The following NUP160 variants were observed in gnomAD, a reference collection of about 807,000 sequenced individuals.
The protein encoded by NUP160 is nuclear pore complex protein Nup160.
NUP160 carries 94 observed loss-of-function variants against 196.9 expected under a neutral mutation model. The ratio of observed to expected loss-of-function variants is 0.48; its 90% CI spans 0.40 to 0.57. The LOEUF (loss-of-function observed/expected upper bound fraction) is 0.57. NUP160 is among the 20% of genes least tolerant of loss of function. NUP160 has a pLI of 0.00. For synonymous variants in NUP160, 605 were observed against 619.7 expected (o/e 0.98, Z 0.35); for missense variants, 1,638 against 1,748.3 (o/e 0.94, Z 1.13).
At chr11:47,817,826 G>A (rs1158937047) in intron 11 of NUP160, among the ~76,000 whole-genome samples, 1 of 151,980 alleles carries the variant, frequency 6.6e-6, no homozygotes, top group East Asian at 1.9e-4. Flanking sequence ...TCTAACTCTG[G>A]CATGTGTCAC....
chr11:47,845,107 CG>C (rs1424627231), intron 2 of NUP160, among the ~76,000 whole-genome samples: 4 of 152,270 alleles, frequency 2.6e-5, no homozygotes, highest in African/African-American at 9.6e-5. Context: ...CAGCAGCCCT[CG>C]GAGCTACTCT....
intron 17 of NUP160, among the ~76,000 whole-genome samples, chr11:47,811,496 A>AAG (rs56350175): frequency 2.6e-5 from 4 of 151,834 alleles, no homozygotes; most frequent in Admixed American, 6.6e-5. Context: ...AAAAAAAAAA[A>AAG]AGAGAGAGAG....
intron 1 of NUP160, 110 bp downstream of exon 1, chr11:47,848,109 T>C: frequency 7.4e-7 from 1 of 1,357,938 alleles, no homozygotes; most frequent in Non-Finnish European, 1.1e-6. Flanking sequence ...ATCCCGGGGC[T>C]AGAGGCATGT....
chr11:47,834,854 A>G (rs940463585), intron 7 of NUP160, among the ~76,000 whole-genome samples: 3 of 152,168 alleles, frequency 2.0e-5, no homozygotes, highest in African/African-American at 4.8e-5. Context: ...TGGCTTCCAC[A>G]TGGACAGAAA....
chr11:47,821,676 T>C (rs761779664), intron 9 of NUP160, 48 bp downstream of exon 9: 9 of 1,399,982 alleles, frequency 6.4e-6, no homozygotes, highest in Admixed American at 5.1e-5. Context: ...CTTCTTAGCA[T>C]GAAATTGCTT....
chr11:47,825,540 C>A (rs1851950601), intron 7 of NUP160, among the ~76,000 whole-genome samples: 1 of 150,526 alleles, frequency 6.6e-6, no homozygotes, highest in African/African-American at 2.5e-5. Context: ...GCAACCTCTG[C>A]CTCCTGGGTT....
chr11:47,837,171 T>C (rs1852193421), intron 5 of NUP160, among the ~76,000 whole-genome samples, 170 bp from the exon 6 acceptor site: 1 of 152,234 alleles, frequency 6.6e-6, no homozygotes, highest in South Asian at 2.1e-4. Flanking sequence ...TATCGCCAAT[T>C]ACTATAATAA....
At position 47,809,882 on chromosome 11, in the gene NUP160, CACAA is replaced by C. The variant is rs201822625; in HGVS notation, c.2242-1357_2242-1354del. On this transcript the variant is annotated intron_variant, in intron 17 of 35. Coordinates refer to ENST00000378460, the Ensembl canonical transcript of NUP160. Reference sequence around the variant, plus strand: ...AATACTATGTAGTTTATTTAAATTTCACAAACAAACCAAAAAGAATGTGCATGGA... The same window carrying C: ...AATACTATGTAGTTTATTTAAATTTCACAAACCAAAAAGAATGTGCATGGA... Among the ~76,000 whole-genome samples the C allele has an allele frequency of 8.0e-3, 1,215 of 151,258 alleles. 18 individuals carry two copies. The highest frequency in any genetic ancestry group is 0.027 in the African/African-American group (1,131 of 41,282).
At chr11:47,806,790 TACACACACACACACACACACACACAC>T (rs57141346) in intron 19 of NUP160, among the ~76,000 whole-genome samples, 25 of 111,904 alleles carry the variant, frequency 2.2e-4, no homozygotes, top group South Asian at 8.6e-4. Flanking sequence ...AAAGCAGCTA[TACACACACACACACACACACACACAC>T]ACACACACAC....
At chr11:47,848,257 C>T (rs896680730) in exon 1 of NUP160, 2 of 1,614,100 alleles carry the variant, frequency 1.2e-6, no homozygotes, top group African/African-American at 2.7e-5. Context: ...GTGCCTCGGC[C>T]TTTCGCGCTC....
intron 19 of NUP160, 123 bp from the exon 20 acceptor site, chr11:47,806,435 T>C (rs1599320858): frequency 1.4e-6 from 1 of 707,010 alleles, no homozygotes; most frequent in Non-Finnish European, 2.3e-6. Context: ...AGAAAATGTA[T>C]CACGGGTATA....
chr11:47,838,290 A>C (rs895173677), intron 4 of NUP160, among the ~76,000 whole-genome samples: 2 of 152,212 alleles, frequency 1.3e-5, no homozygotes, highest in African/African-American at 4.8e-5. Flanking sequence ...AATTACAAGA[A>C]GGCATGTGGC....
Position 47,822,372 on chromosome 11 carries a change from C to T in NUP160, c.1102-208G>A, listed in dbSNP as rs11039413. 2.3e-3 allele frequency among the ~76,000 whole-genome samples: 354 copies of T among 152,170 alleles called. 7 individuals carry two copies. In the South Asian group the frequency reaches 0.04, roughly 17 times the overall value. On this transcript the variant is annotated intron_variant, in intron 7 of 35. Coordinates refer to ENST00000378460, the Ensembl canonical transcript of NUP160. Reference sequence around the variant, plus strand: ...TCCTAAGTTCAAGCTATTCTCCTGCCTCAGCCTCCCGAGTAGCTGGGATTA... The same window carrying T: ...TCCTAAGTTCAAGCTATTCTCCTGCTTCAGCCTCCCGAGTAGCTGGGATTA...
chr11:47,782,633 ATGAG>A (rs2097662100), intron 34 of NUP160, among the ~76,000 whole-genome samples: 1 of 151,616 alleles, frequency 6.6e-6, no homozygotes, highest in Non-Finnish European at 1.5e-5. Context: ...GAACGGTTGT[ATGAG>A]TATTTTATTT....
intron 34 of NUP160, 110 bp from the exon 35 acceptor site, chr11:47,780,557 T>G (rs2097660109): frequency 4.5e-6 from 2 of 444,006 alleles, no homozygotes; most frequent in Non-Finnish European, 7.9e-6. Context: ...TTTTTTTTTT[T>G]GAGATGGTCT....
intron 7 of NUP160, among the ~76,000 whole-genome samples, chr11:47,831,273 G>A (rs563527592): frequency 6.6e-6 from 1 of 152,244 alleles, no homozygotes; most frequent in East Asian, 1.9e-4. Flanking sequence ...GGCATCATTA[G>A]TTATCAGGAA....
rs577753496 is a variant in NUP160, at chr11:47,819,299, C to T, written c.1362+75G>A. On this transcript the variant is annotated intron_variant, in intron 10 of 35. Coordinates refer to ENST00000378460, the Ensembl canonical transcript of NUP160. ...CTGTACCCCAGCCTGGGCCACAGAG[C>T]GAGACTCTGTCTCAAAAAAAAAAAA... The T allele has an allele frequency of 2.0e-4, 214 of 1,063,378 alleles. 1 individual carries two copies. The highest frequency in any genetic ancestry group is 1.3e-3 in the South Asian group (97 of 75,448). The allele number at this position is 1,063,378 out of a possible 1,614,324, so 65.9% of individuals were successfully genotyped here. A position where few individuals can be genotyped will look rare whatever the true frequency, so the allele number is the denominator to read the frequency against.
chr11:47,842,514 T>C (rs961159745), intron 2 of NUP160, among the ~76,000 whole-genome samples: 2 of 152,108 alleles, frequency 1.3e-5, no homozygotes, highest in African/African-American at 2.4e-5. Flanking sequence ...AAGGAAAACA[T>C]ACAGATGTCC....
Position 47,788,485 on chromosome 11 carries a change from A to T in NUP160, c.3622+16T>A. 6.2e-7 allele frequency: 1 copy of T among 1,605,978 alleles called. No homozygotes were observed. The highest frequency in any genetic ancestry group is 8.5e-7 in the Non-Finnish European group (1 of 1,173,132). ...GGTGCTGACAAGTCAGAGGCTTTAA[A>T]CTCTTGAATTCCTACCAGCAACTGC... On this transcript the variant is annotated intron_variant, in intron 30 of 35. Transcript: ENST00000378460.
Sources: allele counts gnomAD v4.1 joint callset (sites outside exome capture counted in the v4.1 genomes callset), GRCh38; gene constraint gnomAD v4.1.1; transcripts MANE v1.5; gene names NCBI Gene and HGNC (gene_info 2026-07-23, HGNC 2026-07-21).